EPC1: variants seen among roughly 807,000 people sequenced by gnomAD.
EPC1 encodes the protein enhancer of polycomb homolog 1.
Under a neutral mutation model 98.4 loss-of-function variants are expected in EPC1, and 12 were observed. That is an observed-to-expected ratio of 0.12 (90% confidence interval 0.08 to 0.20). EPC1 has a LOEUF of 0.20. EPC1 is among the 10% of genes least tolerant of loss of function. The pLI, the probability that EPC1 is intolerant of heterozygous loss-of-function variation, is 1.00. For missense variants in EPC1, 729 were observed against 990.5 expected (o/e 0.74, Z 3.54); for synonymous variants, 357 against 363.9 (o/e 0.98, Z 0.21).
At chr10:32,306,442 C>T (rs531006693) in intron 1 of EPC1, among the ~76,000 whole-genome samples, 91 of 152,302 alleles carry the variant, frequency 6.0e-4, no homozygotes, top group African/African-American at 2.1e-3. Flanking sequence ...AAATCCTGGT[C>T]TTTTGTCTGA....
chr10:32,278,933 T>G (rs1284807619), intron 10 of EPC1, among the ~76,000 whole-genome samples: 2 of 152,226 alleles, frequency 1.3e-5, no homozygotes, highest in Non-Finnish European at 2.9e-5. Context: ...CAGTCAAATA[T>G]TCCTCTTAGT....
intron 1 of EPC1, among the ~76,000 whole-genome samples, chr10:32,306,335 A>G (rs1051920078): frequency 2.0e-5 from 3 of 152,264 alleles, no homozygotes; most frequent in Non-Finnish European, 4.4e-5. Context: ...GTAATACTTC[A>G]TAAATTTAGA....
In EPC1 at chr10:32,329,139, T is replaced by C. The variant is rs933453145; in HGVS notation, c.153+17624A>G. On this transcript the variant is annotated intron_variant, in intron 1 of 13. Coordinates refer to ENST00000319778, the MANE Select transcript of EPC1 (RefSeq NM_001272004.3). ...GCTCCTTTATGATTAGATGCAGCTATGTTTCTTGTTCTGGCCAATGAGCTG... is the reference window on the plus strand; with the variant it reads ...GCTCCTTTATGATTAGATGCAGCTACGTTTCTTGTTCTGGCCAATGAGCTG... Among the ~76,000 whole-genome samples, 5 of 152,304 alleles carry C rather than the reference T, an allele frequency of 3.3e-5. No homozygotes were observed. The East Asian group carries it at 7.7e-4, about 24-fold the overall frequency.
intron 1 of EPC1, among the ~76,000 whole-genome samples, chr10:32,330,310 T>C (rs766996227): frequency 5.3e-5 from 8 of 152,214 alleles, no homozygotes; most frequent in African/African-American, 1.2e-4. Context: ...ATTTGGAACT[T>C]ATTTTAAACT....
At chr10:32,349,027 A>G (rs761459757), upstream of EPC1, among the ~76,000 whole-genome samples, 2 of 152,240 alleles carry the variant, frequency 1.3e-5, no homozygotes, top group Non-Finnish European at 2.9e-5. Flanking sequence ...AAGCTGAGTC[A>G]TTAGATAGCA....
intron 2 of EPC1, 32 bp from the exon 3 acceptor site, chr10:32,293,769 T>C (rs1302998906): frequency 1.3e-6 from 2 of 1,576,814 alleles, no homozygotes; most frequent in Admixed American, 1.8e-5. Flanking sequence ...AATCATTTAC[T>C]GTGTGAATTC....
At chr10:32,306,692 T>A (rs1338920321) in intron 1 of EPC1, among the ~76,000 whole-genome samples, 1 of 152,202 alleles carries the variant, frequency 6.6e-6, no homozygotes, top group Non-Finnish European at 1.5e-5. Context: ...GAATAAAATG[T>A]TTAGTATAAT....
At chr10:32,338,281 A>G (rs1368935599) in intron 1 of EPC1, among the ~76,000 whole-genome samples, 1 of 152,152 alleles carries the variant, frequency 6.6e-6, no homozygotes, top group Non-Finnish European at 1.5e-5. Flanking sequence ...ATCCACCAGC[A>G]AGTTCTGTTG....
intron 1 of EPC1, among the ~76,000 whole-genome samples, chr10:32,358,895 A>G (rs1839361692): frequency 6.6e-6 from 1 of 152,196 alleles, no homozygotes; most frequent in South Asian, 2.1e-4. Context: ...AGAGTTATGT[A>G]AAGAATTCTG....
intron 1 of EPC1, among the ~76,000 whole-genome samples, chr10:32,340,283 G>T (rs138758342): frequency 1.3e-5 from 2 of 152,194 alleles, no homozygotes; most frequent in Non-Finnish European, 1.5e-5. Flanking sequence ...CTACACCTCA[G>T]ATAACATATT....
intron 1 of EPC1, among the ~76,000 whole-genome samples, chr10:32,338,065 T>C (rs542980579): frequency 1.4e-4 from 21 of 152,320 alleles, no homozygotes; most frequent in African/African-American, 5.1e-4. Flanking sequence ...TTCCAAATTA[T>C]ACACTTCTAG....
At chr10:32,271,094 C>T (rs764947490) in intron 13 of EPC1, among the ~76,000 whole-genome samples, 4 of 151,692 alleles carry the variant, frequency 2.6e-5, no homozygotes, top group Admixed American at 1.3e-4. Flanking sequence ...CAGGTTCAAG[C>T]GATTCTCCTG....
chr10:32,302,648 T>TTAA (rs1466473965), intron 2 of EPC1, among the ~76,000 whole-genome samples: 2 of 8,752 alleles, frequency 2.3e-4, no homozygotes, highest in Non-Finnish European at 5.1e-4. Context: ...AGACTCCATC[T>TTAA]CAAAAAAAAA....
chr10:32,346,725 G>A (rs769453535), intron 1 of EPC1, 38 bp downstream of exon 1: 6 of 1,586,422 alleles, frequency 3.8e-6, no homozygotes, highest in African/African-American at 1.3e-5. Context: ...AGAGGGAGCG[G>A]GCCTGACGGT....
chr10:32,294,618 G>T lies in EPC1; in HGVS notation c.314-881C>A, dbSNP rs17296003. Among the ~76,000 whole-genome samples, 413 of 152,308 alleles carry T rather than the reference G, an allele frequency of 2.7e-3. 5 individuals are homozygous for T. Among genetic ancestry groups the T allele is most frequent in the Middle Eastern group, 0.014 (4 of 294 alleles). ...AAGTTTGTTTCTCTACGCGAACACT[G>T]TCATGCTGATGGAAATGGGAGGATC... On this transcript the variant is annotated intron_variant, in intron 2 of 13. Coordinates refer to ENST00000319778, the MANE Select transcript of EPC1 (RefSeq NM_001272004.3).
intron 1 of EPC1, among the ~76,000 whole-genome samples, chr10:32,367,848 C>T (rs529409636): frequency 5.9e-5 from 9 of 152,306 alleles, no homozygotes; most frequent in Admixed American, 2.0e-4. Context: ...ATTTTTCTTT[C>T]GTCTTTTCTC....
At chr10:32,350,134 A>G (rs908502280), upstream of EPC1, among the ~76,000 whole-genome samples, 5 of 152,236 alleles carry the variant, frequency 3.3e-5, no homozygotes, top group Admixed American at 6.5e-5. Flanking sequence ...GTTGCAAACA[A>G]TGTATGCTAG....
upstream of EPC1, among the ~76,000 whole-genome samples, chr10:32,348,489 C>T (rs1023737358): frequency 2.0e-5 from 3 of 152,180 alleles, no homozygotes; most frequent in Non-Finnish European, 2.9e-5. Context: ...CTGTCACTAG[C>T]TTAGGGCACA....
chr10:32,295,040 A>C (rs76498169), intron 2 of EPC1, among the ~76,000 whole-genome samples: 2,742 of 151,986 alleles, frequency 0.018, 77 homozygotes, highest in African/African-American at 0.062. Flanking sequence ...ATTTTTCCCC[A>C]CCCAAGAAGT....
Sources: gnomAD v4.1 joint callset for allele counts (sites outside exome capture counted in the v4.1 genomes callset) on GRCh38, gnomAD v4.1.1 for gene constraint, MANE v1.5 for transcripts, NCBI Gene and HGNC (gene_info 2026-07-23, HGNC 2026-07-21) for gene names.